Variants in ACVR1 observed in about 807,000 individuals in gnomAD.
ACVR1 encodes activin A receptor type 1, also known as activin receptor type-1.
ACVR1 carries 38 observed loss-of-function variants against 57.1 expected under a neutral mutation model. The observed-to-expected ratio is 0.67, with a 90% CI of 0.51 to 0.87. The LOEUF (loss-of-function observed/expected upper bound fraction) is 0.87. ACVR1 is among the 40% of genes least tolerant of loss of function. The pLI is 0.00. For missense variants in ACVR1, 463 were observed against 638.2 expected (o/e 0.73, Z 2.96); for synonymous variants, 212 against 228.1 (o/e 0.93, Z 0.63).
chr2:157,809,260 G>A (rs2105318521), intron 2 of ACVR1, among the ~76,000 whole-genome samples: 1 of 152,210 alleles, frequency 6.6e-6, no homozygotes. Flanking sequence ...TCTCTTAGTG[G>A]TCTGTCTCCT....
At chr2:157,835,016 G>A (rs1339435764) in intron 1 of ACVR1, among the ~76,000 whole-genome samples, 1 of 152,138 alleles carries the variant, frequency 6.6e-6, no homozygotes. Flanking sequence ...TAAAATAAAC[G>A]TCGGGTCTTT....
intron 9 of ACVR1, among the ~76,000 whole-genome samples, chr2:157,750,561 AC>A (rs1456082143): frequency 6.6e-6 from 1 of 152,124 alleles, no homozygotes; most frequent in Non-Finnish European, 1.5e-5. Flanking sequence ...CAGAATCAAA[AC>A]CAAAGCGCCC....
intron 1 of ACVR1, among the ~76,000 whole-genome samples, chr2:157,856,653 T>C (rs866093568): frequency 1.4e-4 from 22 of 152,290 alleles, no homozygotes; most frequent in Middle Eastern, 3.4e-3. Context: ...GGTCCTTCCA[T>C]GCACATACAG....
chr2:157,807,854 T>TG (rs57885640), intron 2 of ACVR1, among the ~76,000 whole-genome samples: 8,303 of 31,046 alleles, frequency 0.27, 1,625 homozygotes, highest in African/African-American at 0.42. Flanking sequence ...TATAATAATT[T>TG]GGGGGGGGGG....
chr2:157,739,189 C>T (rs1325088319), intron 9 of ACVR1, among the ~76,000 whole-genome samples: 1 of 152,190 alleles, frequency 6.6e-6, no homozygotes, highest in African/African-American at 2.4e-5. Flanking sequence ...CCTCTAACTA[C>T]AGGCACAGCT....
intron 9 of ACVR1, among the ~76,000 whole-genome samples, chr2:157,747,280 A>T (rs1382538739): frequency 6.6e-6 from 1 of 152,252 alleles, no homozygotes; most frequent in Non-Finnish European, 1.5e-5. Context: ...TATGAAAAGC[A>T]ACTTGGCAAT....
Position 157,866,375 on chromosome 2 carries a change from C to G in ACVR1, c.-183+9421G>C, listed in dbSNP as rs534209885. On this transcript the variant is annotated intron_variant, in intron 1 of 10. Transcript: ENST00000434821. Reference sequence around the variant, plus strand: ...AACCAAGTAGGAGAAGAGAGAGGAGCTGAGGTGGACACAGCTGATTAAGAA... The same window carrying G: ...AACCAAGTAGGAGAAGAGAGAGGAGGTGAGGTGGACACAGCTGATTAAGAA... Among the ~76,000 whole-genome samples, 11 of 152,102 alleles carry G rather than the reference C, an allele frequency of 7.2e-5. 1 individual carries two copies. The South Asian group carries it at 2.3e-3, about 32-fold the overall frequency.
intron 2 of ACVR1, among the ~76,000 whole-genome samples, chr2:157,817,666 G>A (rs1323780294): frequency 2.6e-5 from 4 of 152,020 alleles, no homozygotes; most frequent in African/African-American, 9.7e-5. Context: ...ATTTTGCTGT[G>A]AACCTAAAAC....
intron 2 of ACVR1, among the ~76,000 whole-genome samples, chr2:157,810,810 A>T (rs1478756195): frequency 6.6e-6 from 1 of 152,118 alleles, no homozygotes; most frequent in Non-Finnish European, 1.5e-5. Flanking sequence ...TAGAACAGCA[A>T]CTACACAGGC....
intron 3 of ACVR1, among the ~76,000 whole-genome samples, chr2:157,792,388 C>T (rs1313799863): frequency 1.3e-5 from 2 of 152,164 alleles, no homozygotes; most frequent in African/African-American, 4.8e-5. Context: ...AGTGTTATGA[C>T]CCAGGCTGAG....
At chr2:157,748,355 TAC>T (rs1247414096) in intron 9 of ACVR1, among the ~76,000 whole-genome samples, 1 of 152,170 alleles carries the variant, frequency 6.6e-6, no homozygotes, top group Non-Finnish European at 1.5e-5. Context: ...TTCCACATCA[TAC>T]AGTTTATTTG....
chr2:157,842,359 C>CA (rs1295935536), intron 1 of ACVR1, among the ~76,000 whole-genome samples: 1 of 152,226 alleles, frequency 6.6e-6, no homozygotes, highest in Non-Finnish European at 1.5e-5. Flanking sequence ...TGAACTGCAG[C>CA]AAGTTCACTG....
At chr2:157,738,779 G>A (rs189312869) in intron 9 of ACVR1, among the ~76,000 whole-genome samples, 149 of 152,376 alleles carry the variant, frequency 9.8e-4, no homozygotes, top group Non-Finnish European at 1.6e-3. Flanking sequence ...GGTATTGGAA[G>A]AAGGATAATT....
At chr2:157,832,456 T>C (rs528312689) in intron 1 of ACVR1, among the ~76,000 whole-genome samples, 38 of 152,310 alleles carry the variant, frequency 2.5e-4, no homozygotes, top group Middle Eastern at 3.4e-3. Context: ...ATTCCAGTGA[T>C]GCTTTGCAGT....
At chr2:157,774,656 G>C (rs937123250) in intron 5 of ACVR1, among the ~76,000 whole-genome samples, 3 of 152,194 alleles carry the variant, frequency 2.0e-5, no homozygotes, top group Non-Finnish European at 4.4e-5. Context: ...GAGCCACCAC[G>C]CCTGGCCAGG....
intron 1 of ACVR1, among the ~76,000 whole-genome samples, chr2:157,854,583 C>CA (rs1157787840): frequency 1.3e-5 from 2 of 151,992 alleles, no homozygotes; most frequent in Non-Finnish European, 2.9e-5. Context: ...ATTAGCCAGG[C>CA]ATGGTGGCGG....
intron 1 of ACVR1, among the ~76,000 whole-genome samples, chr2:157,833,307 G>C (rs1046185780): frequency 6.6e-6 from 1 of 152,150 alleles, no homozygotes; most frequent in African/African-American, 2.4e-5. Flanking sequence ...GGACTGAAGA[G>C]GAAGGGCAGA....
At chr2:157,826,348 C>A (rs922262237) in intron 1 of ACVR1, among the ~76,000 whole-genome samples, 1 of 152,094 alleles carries the variant, frequency 6.6e-6, no homozygotes, top group Non-Finnish European at 1.5e-5. Flanking sequence ...ATATTTGTGG[C>A]ATGAATGAAG....
intron 2 of ACVR1, among the ~76,000 whole-genome samples, chr2:157,813,682 G>A (rs569387151): frequency 6.6e-6 from 1 of 152,344 alleles, no homozygotes; most frequent in South Asian, 2.1e-4. Flanking sequence ...GCCTCTGAAT[G>A]ATCAGTGGAT....
Sources: gnomAD v4.1 joint callset for allele counts (sites outside exome capture counted in the v4.1 genomes callset) on GRCh38, gnomAD v4.1.1 for gene constraint, MANE v1.5 for transcripts, NCBI Gene and HGNC (gene_info 2026-07-23, HGNC 2026-07-21) for gene names.